The following KLHL7 variants were observed in gnomAD, a reference collection of about 807,000 sequenced individuals.
KLHL7 encodes the protein kelch like family member 7, also known as kelch-like protein 7.
In KLHL7, 44 loss-of-function variants were observed where a neutral mutation model predicts 67.4. That is an observed-to-expected ratio of 0.65 (90% CI 0.51 to 0.84). The LOEUF is 0.84. KLHL7 is among the 40% of genes least tolerant of loss of function. The pLI is 0.00. For synonymous variants in KLHL7, 252 were observed against 243.3 expected (o/e 1.04, Z -0.33); for missense variants, 362 against 718.1 (o/e 0.50, Z 5.67).
chr7:23,163,416 C>G (rs1481978672), intron 7 of KLHL7, among the ~76,000 whole-genome samples: 1 of 152,212 alleles, frequency 6.6e-6, no homozygotes, highest in Non-Finnish European at 1.5e-5. Flanking sequence ...AGGTGATCTG[C>G]CTGCCTCTGC....
intron 4 of KLHL7, among the ~76,000 whole-genome samples, chr7:23,136,900 G>A (rs1783997476): frequency 6.6e-6 from 1 of 152,134 alleles, no homozygotes; most frequent in African/African-American, 2.4e-5. Flanking sequence ...CCAAATAAAT[G>A]TATTTATTTT....
At chr7:23,124,550 G>A in intron 2 of KLHL7, 138 bp from the exon 3 acceptor site, 1 of 703,936 alleles carries the variant, frequency 1.4e-6, no homozygotes, top group South Asian at 1.5e-5. Flanking sequence ...AGAAATGTTG[G>A]GCTTGCTGGG....
intron 1 of KLHL7, among the ~76,000 whole-genome samples, chr7:23,113,114 A>G (rs1297002025): frequency 2.1e-5 from 3 of 142,322 alleles, no homozygotes; most frequent in Non-Finnish European, 4.5e-5. Context: ...GTTTCTATCC[A>G]GTGATTTCTC....
rs151278306 is a variant in KLHL7, at chr7:23,115,289, C to T, written c.121-8488C>T. The stretch of plus-strand genomic sequence containing the variant: ...GACATTTTATTTATACAGTCCTAAC[C>T]CACATTATTTTTTGCAGCCAAAAAC... On this transcript the variant is annotated intron_variant, in intron 1 of 10. Coordinates refer to ENST00000339077, the MANE Select transcript of KLHL7 (RefSeq NM_001031710.3). 3.7e-3 allele frequency among the ~76,000 whole-genome samples: 560 copies of T among 152,240 alleles called. 3 individuals carry two copies. The highest frequency in any genetic ancestry group is 0.012 in the African/African-American group (502 of 41,536).
intron 7 of KLHL7, among the ~76,000 whole-genome samples, chr7:23,155,684 A>G (rs1451913870): frequency 3.3e-5 from 5 of 152,120 alleles, no homozygotes; most frequent in African/African-American, 9.7e-5. Context: ...AAAACAAAAC[A>G]AAACAAAAAT....
chr7:23,106,176 G>A (rs1782626732), intron 1 of KLHL7, 30 bp downstream of exon 1: 1 of 1,604,566 alleles, frequency 6.2e-7, no homozygotes, highest in African/African-American at 1.3e-5. Context: ...GACGGACGAC[G>A]GTGGGAGGTG....
At chr7:23,141,911 C>T (rs1296347468) in intron 5 of KLHL7, among the ~76,000 whole-genome samples, 1 of 150,432 alleles carries the variant, frequency 6.6e-6, no homozygotes, top group Non-Finnish European at 1.5e-5. Flanking sequence ...GCGTGAGCCA[C>T]CGCACCCGGC....
intron 4 of KLHL7, among the ~76,000 whole-genome samples, chr7:23,137,264 G>A (rs1041339669): frequency 2.0e-5 from 3 of 152,120 alleles, no homozygotes; most frequent in Admixed American, 1.3e-4. Context: ...CAGCCTAAGC[G>A]ACAGAGTGAG....
intron 6 of KLHL7, among the ~76,000 whole-genome samples, chr7:23,151,846 A>G (rs1414541506): frequency 1.3e-5 from 2 of 148,846 alleles, no homozygotes; most frequent in Non-Finnish European, 3.0e-5. Context: ...TGGGTGGGGC[A>G]GTCTTAGAAT....
intron 10 of KLHL7, 114 bp downstream of exon 10, chr7:23,173,159 T>C: frequency 1.4e-6 from 1 of 699,056 alleles, no homozygotes; most frequent in Admixed American, 2.4e-5. Context: ...TATATTATTA[T>C]ATCTATTTTT....
chr7:23,119,391 GAC>G (rs1372334901), intron 1 of KLHL7, among the ~76,000 whole-genome samples: 1 of 152,134 alleles, frequency 6.6e-6, no homozygotes, highest in African/African-American at 2.4e-5. Context: ...TTTTACTAGA[GAC>G]AGGGTTTCGC....
intron 1 of KLHL7, among the ~76,000 whole-genome samples, chr7:23,114,512 C>T (rs1783005466): frequency 6.6e-6 from 1 of 152,144 alleles, no homozygotes; most frequent in African/African-American, 2.4e-5. Context: ...CAAAGCCCCA[C>T]CCCAAACTCC....
intron 7 of KLHL7, among the ~76,000 whole-genome samples, chr7:23,161,396 TTCA>T (rs1292051599): frequency 6.6e-6 from 1 of 152,238 alleles, no homozygotes; most frequent in Non-Finnish European, 1.5e-5. Context: ...AATACCTGTC[TTCA>T]TCAAACACAT....
intron 4 of KLHL7, among the ~76,000 whole-genome samples, chr7:23,130,708 T>G (rs1412923062): frequency 6.6e-6 from 1 of 152,216 alleles, no homozygotes; most frequent in Non-Finnish European, 1.5e-5. Flanking sequence ...ATGTATGTTT[T>G]AAGATCTACT....
chr7:23,172,936 T>C lies in KLHL7; in HGVS notation c.1380-12T>C, dbSNP rs371329755. 2 of 1,608,090 alleles carry C rather than the reference T, an allele frequency of 1.2e-6. No individual in the cohort carries two copies. The highest frequency in any genetic ancestry group is 1.7e-6 in the Non-Finnish European group (2 of 1,174,706). On this transcript the variant is annotated splice_polypyrimidine_tract_variant and intron_variant, in intron 9 of 10. Transcript: ENST00000339077. ...CTGTAAACAAGCACACTAAAAACTT[T>C]AATTTTTTCAGATGGACTGAGCTGT...
At chr7:23,155,295 G>T (rs773823780) in intron 7 of KLHL7, among the ~76,000 whole-genome samples, 2 of 152,062 alleles carry the variant, frequency 1.3e-5, no homozygotes, top group Admixed American at 6.6e-5. Flanking sequence ...AATTTTTCAG[G>T]ATCCTTTTGA....
intron 4 of KLHL7, among the ~76,000 whole-genome samples, chr7:23,126,269 A>G (rs1783570299): frequency 6.6e-6 from 1 of 152,196 alleles, no homozygotes; most frequent in Admixed American, 6.5e-5. Flanking sequence ...CACACAACTC[A>G]GAACAGCACA....
At chr7:23,106,316 T>C (rs1782636593) in intron 1 of KLHL7, 170 bp downstream of exon 1, 2 of 1,474,624 alleles carry the variant, frequency 1.4e-6, no homozygotes, top group Non-Finnish European at 1.8e-6. Flanking sequence ...GAGGGGCGCG[T>C]AAAACAATTC....
chr7:23,121,013 G>T (rs1335841277), intron 1 of KLHL7, among the ~76,000 whole-genome samples: 2 of 151,940 alleles, frequency 1.3e-5, no homozygotes, highest in African/African-American at 2.4e-5. Flanking sequence ...CCAGCCTCTA[G>T]TATCTTCTGT....
Sources: gnomAD v4.1 joint callset for allele counts (sites outside exome capture counted in the v4.1 genomes callset) on GRCh38, gnomAD v4.1.1 for gene constraint, MANE v1.5 for transcripts, NCBI Gene and HGNC (gene_info 2026-07-23, HGNC 2026-07-21) for gene names.